AK7: variants seen among roughly 807,000 people sequenced by gnomAD.
AK7 encodes the protein adenylate kinase 7.
AK7 carries 78 observed loss-of-function variants against 96.6 expected under a neutral mutation model. That is an observed-to-expected ratio of 0.81 (90% CI 0.67 to 0.97). The LOEUF (loss-of-function observed/expected upper bound fraction) is 0.97, where lower values mean the gene tolerates loss of function less well. Ranked by LOEUF, AK7 falls within the 50% of genes least tolerant of loss-of-function variation. The probability of loss-of-function intolerance (pLI) is 0.00; values close to 1 mark genes in which losing one functional copy is unlikely to be tolerated. For synonymous variants in AK7, 302 were observed against 317.2 expected (o/e 0.95, Z 0.51); for missense variants, 855 against 887.9 (o/e 0.96, Z 0.47).
intron 4 of AK7, among the ~76,000 whole-genome samples, chr14:96,420,460 A>T (rs756296157): frequency 6.6e-6 from 1 of 151,920 alleles, no homozygotes; most frequent in East Asian, 2.0e-4. Context: ...GTGCCACTGT[A>T]CTCCATCCAG....
At chr14:96,442,273 T>C (rs1011636832) in intron 6 of AK7, among the ~76,000 whole-genome samples, 1 of 152,202 alleles carries the variant, frequency 6.6e-6, no homozygotes, top group African/African-American at 2.4e-5. Context: ...TGATGGTACT[T>C]ATTTCCCCTC....
At position 96,419,637 on chromosome 14, in the gene AK7, CA is replaced by C. The variant is rs965957625; in HGVS notation, c.499-1176del. On this transcript the variant is annotated intron_variant, in intron 4 of 17. Transcript: ENST00000267584. ...CAAGAGAGCAAGGCCCTGTCTCTAC[CA>C]AAAAAAAATTATATTTAATATTAAT... 9.1e-4 allele frequency among the ~76,000 whole-genome samples: 136 copies of C among 150,208 alleles called. 1 individual carries two copies. The highest frequency in any genetic ancestry group is 3.2e-3 in the African/African-American group (132 of 41,058).
chr14:96,396,160 G>A (rs1033663095), intron 1 of AK7, among the ~76,000 whole-genome samples: 2 of 152,056 alleles, frequency 1.3e-5, no homozygotes, highest in African/African-American at 4.8e-5. Context: ...TCCTGCCTTG[G>A]TCTCCCAAAG....
Position 96,472,749 on chromosome 14 carries a change from A to T in AK7, c.1549A>T (p.Ile517Leu). The change falls in exon 14 of 18, where the codon ATA becomes TTA. Residue 517 changes from isoleucine (I) to leucine (L), a missense_variant. Physicochemically the swap from Ile to Leu is conservative, Grantham distance 5. Coordinates refer to ENST00000267584, the MANE Select transcript of AK7 (RefSeq NM_152327.5). ...AATGTTTCCCTTTGATAAATTAATT[A>T]TACCTGGTAAGTTTATTTCCCTAAG... Reference protein sequence around the residue: ...GRMFPFDKLIIPEFVCALDAS... With the variant: ...GRMFPFDKLILPEFVCALDAS... The T allele has an allele frequency of 6.2e-7, 1 of 1,610,534 alleles. No homozygotes were observed. The highest frequency in any genetic ancestry group is 1.1e-5 in the South Asian group (1 of 90,988).
chr14:96,474,903 T>C (rs1895093413), intron 14 of AK7, among the ~76,000 whole-genome samples: 1 of 152,236 alleles, frequency 6.6e-6, no homozygotes, highest in Non-Finnish European at 1.5e-5. Flanking sequence ...ACACCCATGT[T>C]TACCCAATCC....
At chr14:96,476,139 T>C (rs73351152) in intron 14 of AK7, among the ~76,000 whole-genome samples, 3,769 of 152,308 alleles carry the variant, frequency 0.025, 153 homozygotes, top group African/African-American at 0.086. Context: ...TTTGATTCTT[T>C]GAAGACCTCT....
At position 96,479,908 on chromosome 14, in the gene AK7, G is replaced by C. The variant is rs1191679366; in HGVS notation, c.1753+1246G>C. Among the ~76,000 whole-genome samples the C allele has an allele frequency of 2.1e-5, 3 of 145,112 alleles. No homozygotes were observed. In the South Asian group the frequency reaches 6.6e-4, roughly 32 times the overall value. ...GACAGCATTTGAGCCCTGGAGTATC[G>C]GGAGGCTTAGTGCTAAGGGATAATG... On this transcript the variant is annotated intron_variant, in intron 15 of 17. Coordinates refer to ENST00000267584, the MANE Select transcript of AK7 (RefSeq NM_152327.5).
intron 6 of AK7, among the ~76,000 whole-genome samples, chr14:96,439,816 C>G (rs1485957010): frequency 6.6e-6 from 1 of 152,026 alleles, no homozygotes; most frequent in Non-Finnish European, 1.5e-5. Context: ...TCAAGAGGAA[C>G]AGCTGGAGGG....
intron 4 of AK7, among the ~76,000 whole-genome samples, chr14:96,410,635 C>T (rs1337751375): frequency 1.3e-5 from 2 of 152,204 alleles, no homozygotes; most frequent in African/African-American, 2.4e-5. Flanking sequence ...GGCATGCCCT[C>T]ATCCTGTCAC....
At chr14:96,398,608 G>A (rs1390906792) in intron 2 of AK7, 7 of 286,408 alleles carry the variant, frequency 2.4e-5, no homozygotes, top group East Asian at 8.5e-5. Context: ...TAGGCCAGGC[G>A]CGGTGGCTTA....
rs1895034432 is a variant in AK7, at chr14:96,473,791, CT to C, written c.1555+1038del. On this transcript the variant is annotated intron_variant, in intron 14 of 17. Transcript: ENST00000267584. ...TTGACTTCGTGAGTCATGTAGCCTCCTTCCCTGCCCTGGTTTTGGTGCTAAC... is the reference window on the plus strand; with the variant it reads ...TTGACTTCGTGAGTCATGTAGCCTCCTCCCTGCCCTGGTTTTGGTGCTAAC... Among the ~76,000 whole-genome samples, 7 of 152,296 alleles carry C rather than the reference CT, an allele frequency of 4.6e-5. No individual in the cohort carries two copies. In the South Asian group the frequency reaches 1.4e-3, roughly 32 times the overall value.
At position 96,456,358 on chromosome 14, in the gene AK7, C is replaced by G; in HGVS notation, c.1110C>G (p.Ile370Met). 2 of 1,603,028 alleles carry G rather than the reference C, an allele frequency of 1.2e-6. No homozygotes were observed. Among genetic ancestry groups the G allele is most frequent in the Non-Finnish European group, 1.7e-6 (2 of 1,172,996 alleles). Residue 370 changes from isoleucine (I) to methionine (M), a missense_variant, in exon 11 of 18, where the codon ATC (isoleucine) becomes ATG (methionine). By Grantham distance (10) the Ile-to-Met change is conservative. Coordinates refer to ENST00000267584, the MANE Select transcript of AK7 (RefSeq NM_152327.5). ...CTCTCCTCTTTCAGCCAATCAAGAT[C>G]TGCATTCTTGGTCCCCCTGCTGTGG... ...KQSRGLMPIK[I>M]CILGPPAVGK...
intron 3 of AK7, among the ~76,000 whole-genome samples, chr14:96,406,752 A>G (rs1044035533): frequency 6.6e-6 from 1 of 151,924 alleles, no homozygotes; most frequent in African/African-American, 2.4e-5. Context: ...GCAGTATATC[A>G]TAGCTTACTA....
At chr14:96,441,295 C>T (rs894258979) in intron 6 of AK7, among the ~76,000 whole-genome samples, 44 of 151,854 alleles carry the variant, frequency 2.9e-4, no homozygotes, top group African/African-American at 9.4e-4. Context: ...GAACTGTTTT[C>T]GGGTAAAGCT....
At chr14:96,411,522 T>A (rs972330579) in intron 4 of AK7, among the ~76,000 whole-genome samples, 32 of 151,272 alleles carry the variant, frequency 2.1e-4, no homozygotes, top group Non-Finnish European at 3.5e-4. Context: ...AAAAAAAAAA[T>A]AAATAAATAA....
intron 15 of AK7, among the ~76,000 whole-genome samples, chr14:96,480,527 A>T (rs927225394): frequency 2.1e-4 from 32 of 152,144 alleles, no homozygotes; most frequent in Non-Finnish European, 4.4e-5. Context: ...TCATCTGGAC[A>T]TGTTTCTGCA....
intron 3 of AK7, among the ~76,000 whole-genome samples, chr14:96,408,059 GT>G (rs1890825054): frequency 6.6e-6 from 1 of 152,144 alleles, no homozygotes; most frequent in Non-Finnish European, 1.5e-5. Flanking sequence ...ATCCCTACAA[GT>G]TGTTGATTAC....
chr14:96,481,340 T>C (rs1224513864), intron 15 of AK7, among the ~76,000 whole-genome samples: 2 of 152,114 alleles, frequency 1.3e-5, no homozygotes, highest in South Asian at 2.1e-4. Context: ...TATTTATTTA[T>C]TTATTTATTT....
At chr14:96,479,577 G>T (rs899081687) in intron 15 of AK7, among the ~76,000 whole-genome samples, 2 of 151,914 alleles carry the variant, frequency 1.3e-5, no homozygotes, top group South Asian at 2.1e-4. Flanking sequence ...TCTTCACTGC[G>T]TTCCTTCTTG....
Sources: gnomAD v4.1 joint callset for allele counts (sites outside exome capture counted in the v4.1 genomes callset) on GRCh38, gnomAD v4.1.1 for gene constraint, MANE v1.5 for transcripts, NCBI Gene and HGNC (gene_info 2026-07-23, HGNC 2026-07-21) for gene names.